Variants in PTK2 observed in about 807,000 individuals in gnomAD.
PTK2 encodes the protein focal adhesion kinase 1.
PTK2 carries 45 observed loss-of-function variants against 150.1 expected under a neutral mutation model. The observed-to-expected ratio is 0.30, with a 90% CI of 0.24 to 0.38. PTK2 has a LOEUF of 0.38. PTK2 is among the 10% of genes least tolerant of loss of function. PTK2 has a pLI of 1.00. For missense variants in PTK2, 919 were observed against 1,307.3 expected (o/e 0.70, Z 4.58); for synonymous variants, 432 against 449.2 (o/e 0.96, Z 0.48).
At chr8:140,777,256 C>T (rs2100078995) in intron 14 of PTK2, among the ~76,000 whole-genome samples, 1 of 152,210 alleles carries the variant, frequency 6.6e-6, no homozygotes, top group African/African-American at 2.4e-5. Context: ...GTGCTGACAT[C>T]TTTTTGGCTT....
chr8:140,983,639 T>C (rs1290827679), intron 1 of PTK2, among the ~76,000 whole-genome samples: 5 of 147,398 alleles, frequency 3.4e-5, no homozygotes, highest in African/African-American at 7.6e-5. Flanking sequence ...GGTTCATCAC[T>C]GTCCTAGAGA....
exon 3 of PTK2, chr8:140,890,585 G>C: frequency 6.2e-7 from 1 of 1,614,054 alleles, no homozygotes; most frequent in East Asian, 2.2e-5. Flanking sequence ...TACTGGCCCA[G>C]GTGGTTGGCT....
chr8:140,675,836 A>T (rs2100013288), intron 27 of PTK2: 1 of 192,008 alleles, frequency 5.2e-6, no homozygotes, highest in African/African-American at 2.3e-5. Context: ...AACTAGAAAA[A>T]CTCAAAATAG....
At chr8:140,883,179 T>C (rs557454639) in intron 3 of PTK2, among the ~76,000 whole-genome samples, 2 of 152,334 alleles carry the variant, frequency 1.3e-5, no homozygotes, top group South Asian at 2.1e-4. Flanking sequence ...TCCATGTTCA[T>C]TCTTTCATAA....
chr8:140,714,712 G>T (rs539789133), intron 23 of PTK2, among the ~76,000 whole-genome samples: 1 of 136,952 alleles, frequency 7.3e-6, no homozygotes, highest in East Asian at 2.2e-4. Context: ...CAGGACAATT[G>T]CTTGAACCCA....
At chr8:140,769,398 A>G (rs1032430254) in intron 14 of PTK2, among the ~76,000 whole-genome samples, 177 bp downstream of exon 16, 25 of 152,224 alleles carry the variant, frequency 1.6e-4, no homozygotes, top group Non-Finnish European at 1.0e-4. Context: ...TAAGAAATTG[A>G]TAGTTATCCT....
intron 26 of PTK2, among the ~76,000 whole-genome samples, chr8:140,687,285 C>T (rs893396219): frequency 2.0e-5 from 3 of 152,162 alleles, no homozygotes; most frequent in Admixed American, 6.6e-5. Context: ...CCCGTGCTCC[C>T]GCAGTATGGG....
intron 2 of PTK2, among the ~76,000 whole-genome samples, chr8:140,893,837 T>C (rs1039476950): frequency 6.6e-6 from 1 of 152,202 alleles, no homozygotes; most frequent in Non-Finnish European, 1.5e-5. Context: ...AATAATTTTT[T>C]TAAAAAGGTC....
At chr8:140,990,055 C>T (rs984331502) in intron 1 of PTK2, among the ~76,000 whole-genome samples, 2 of 151,958 alleles carry the variant, frequency 1.3e-5, no homozygotes, top group Non-Finnish European at 2.9e-5. Context: ...GCTGAAGTAA[C>T]CAGAGAAAAT....
At chr8:140,743,693 A>T (rs952761441) in intron 19 of PTK2, among the ~76,000 whole-genome samples, 3 of 152,112 alleles carry the variant, frequency 2.0e-5, no homozygotes, top group African/African-American at 7.2e-5. Flanking sequence ...TACTAAAGAG[A>T]TATCATTAAA....
chr8:140,851,858 CAAAAA>C (rs34116543), intron 5 of PTK2, among the ~76,000 whole-genome samples: 3 of 137,776 alleles, frequency 2.2e-5, no homozygotes, highest in Non-Finnish European at 4.7e-5. Context: ...GACTTTATCT[CAAAAA>C]AAAAAAAAAA....
intron 1 of PTK2, among the ~76,000 whole-genome samples, chr8:140,967,848 T>A (rs972387545): frequency 2.0e-5 from 3 of 152,148 alleles, no homozygotes; most frequent in African/African-American, 7.2e-5. Context: ...TTATACCAAT[T>A]TTCCCTTCTT....
chr8:140,851,526 T>G (rs543116400), intron 5 of PTK2, among the ~76,000 whole-genome samples: 1 of 152,184 alleles, frequency 6.6e-6, no homozygotes, highest in Non-Finnish European at 1.5e-5. Context: ...CTTTTTGTTG[T>G]CCATTTATAA....
chr8:140,686,919 C>T (rs986843340), intron 26 of PTK2: 4 of 532,850 alleles, frequency 7.5e-6, no homozygotes, highest in Non-Finnish European at 1.3e-5. Flanking sequence ...CTGGTACCTG[C>T]ACTGGCCCAC....
At chr8:140,868,519 G>C (rs2100140692) in intron 4 of PTK2, among the ~76,000 whole-genome samples, 1 of 152,082 alleles carries the variant, frequency 6.6e-6, no homozygotes, top group African/African-American at 2.4e-5. Flanking sequence ...AATTATAAAG[G>C]GGAAACAGTA....
chr8:140,681,927 T>G (rs555292600), intron 27 of PTK2, among the ~76,000 whole-genome samples: 3 of 152,172 alleles, frequency 2.0e-5, no homozygotes, highest in Admixed American at 1.3e-4. Flanking sequence ...CCTTAAGCAG[T>G]AGGATATAAA....
At chr8:140,822,727 G>A (rs896502049) in intron 8 of PTK2, among the ~76,000 whole-genome samples, 2 of 152,190 alleles carry the variant, frequency 1.3e-5, no homozygotes, top group African/African-American at 4.8e-5. Context: ...CCACGTTGGT[G>A]ATAAGGGAGC....
At chr8:140,779,261 A>G (rs1023008498) in intron 14 of PTK2, among the ~76,000 whole-genome samples, 4 of 133,942 alleles carry the variant, frequency 3.0e-5, no homozygotes, top group African/African-American at 1.1e-4. Flanking sequence ...AAAAAAAAAG[A>G]AAAAAAAAAA....
chr8:140,928,211 T>C (rs560155041), intron 1 of PTK2, among the ~76,000 whole-genome samples: 150 of 152,094 alleles, frequency 9.9e-4, no homozygotes, highest in African/African-American at 3.4e-3. Flanking sequence ...AGGAGTCACT[T>C]TGCTAATTCT....
Sources: gnomAD v4.1 joint callset for allele counts (sites outside exome capture counted in the v4.1 genomes callset) on GRCh38, gnomAD v4.1.1 for gene constraint, MANE v1.5 for transcripts, NCBI Gene and HGNC (gene_info 2026-07-23, HGNC 2026-07-21) for gene names.